CDKL4: variants seen among roughly 807,000 people sequenced by gnomAD.
CDKL4 encodes cyclin dependent kinase like 4.
Under a neutral mutation model 42.0 loss-of-function variants are expected in CDKL4, and 44 were observed. The ratio of observed to expected loss-of-function variants is 1.05; its 90% CI spans 0.82 to 1.35. The LOEUF (loss-of-function observed/expected upper bound fraction) is 1.35. Ranked by LOEUF, CDKL4 falls within the 40% of genes most tolerant of loss-of-function variation. The pLI is 0.00. For missense variants in CDKL4, 393 were observed against 369.9 expected (o/e 1.06, Z -0.51); for synonymous variants, 120 against 121.6 (o/e 0.99, Z 0.09).
the CDKL4 span, among the ~76,000 whole-genome samples, chr2:39,169,005 T>C: frequency 2.0e-5 from 3 of 152,152 alleles, no homozygotes; most frequent in Non-Finnish European, 4.4e-5. Context: ...TCCGCCTGCC[T>C]TGCCCTCCCA....
At chr2:39,168,059 A>C in the CDKL4 span, among the ~76,000 whole-genome samples, 1 of 152,312 alleles carries the variant, frequency 6.6e-6, no homozygotes, top group South Asian at 2.1e-4. Flanking sequence ...AAAATATTTA[A>C]TCTCATATGT....
Position 39,179,338 on chromosome 2 carries a change from T to C in CDKL4, c.793-17A>G, listed in dbSNP as rs1675308597. On this transcript the variant is annotated splice_polypyrimidine_tract_variant and intron_variant, in intron 8 of 9. Coordinates refer to ENST00000451199, the Ensembl canonical transcript of CDKL4. ...CAGACACCCCTTTGGAGGAAGAGAATAGCAAAGAAGATGTTAAGGGAGGGG... is the reference window on the plus strand; with the variant it reads ...CAGACACCCCTTTGGAGGAAGAGAACAGCAAAGAAGATGTTAAGGGAGGGG... 1 of 1,571,506 alleles carries C rather than the reference T, an allele frequency of 6.4e-7. No homozygotes were observed. Among genetic ancestry groups the C allele is most frequent in the Non-Finnish European group, 8.6e-7 (1 of 1,164,590 alleles).
chr2:39,208,173 TG>T (rs890844892), intron 4 of CDKL4, among the ~76,000 whole-genome samples: 14 of 151,784 alleles, frequency 9.2e-5, no homozygotes, highest in Non-Finnish European at 1.6e-4. Context: ...AAACAGGGCA[TG>T]GGGGGAAGAA....
At chr2:39,172,260 C>G (rs1675021890), downstream of CDKL4, among the ~76,000 whole-genome samples, 1 of 150,028 alleles carries the variant, frequency 6.7e-6, no homozygotes, top group Non-Finnish European at 1.5e-5. Flanking sequence ...TGCAGTGAGC[C>G]AAGATTGCGC....
intron 8 of CDKL4, 38 bp from the exon 9 acceptor site, chr2:39,179,359 A>G (rs745760478): frequency 6.6e-7 from 1 of 1,510,188 alleles, no homozygotes; most frequent in South Asian, 1.3e-5. Context: ...ATGTTAAGGG[A>G]GGGGCTCATT....
intron 5 of CDKL4, among the ~76,000 whole-genome samples, chr2:39,194,103 A>T (rs1324037752): frequency 6.6e-6 from 1 of 152,188 alleles, no homozygotes; most frequent in African/African-American, 2.4e-5. Context: ...TGCGTTCTCA[A>T]GAATTTGTTC....
At chr2:39,184,675 AT>A in intron 7 of CDKL4, 28 bp from the exon 8 acceptor site, 2 of 1,502,110 alleles carry the variant, frequency 1.3e-6, no homozygotes, top group Non-Finnish European at 1.8e-6. Context: ...AACATTCAAT[AT>A]TACATAAGAA....
intron 3 of CDKL4, among the ~76,000 whole-genome samples, chr2:39,219,431 A>ATTT (rs1297554530): frequency 6.7e-6 from 1 of 149,306 alleles, no homozygotes; most frequent in African/African-American, 2.5e-5. Flanking sequence ...TTATTTATTT[A>ATTT]TTTTTTTGAG....
chr2:39,228,764 C>A (rs1002458430), intron 2 of CDKL4, among the ~76,000 whole-genome samples: 1 of 152,224 alleles, frequency 6.6e-6, no homozygotes, highest in African/African-American at 2.4e-5. Context: ...AGCATCTCTA[C>A]GGTCGCTTAT....
intron 4 of CDKL4, among the ~76,000 whole-genome samples, chr2:39,207,347 C>T (rs983408181): frequency 2.1e-4 from 32 of 151,856 alleles, no homozygotes; most frequent in Admixed American, 7.9e-4. Context: ...ATGGCACCAC[C>T]GCACTCTAGC....
upstream of CDKL4, among the ~76,000 whole-genome samples, chr2:39,246,086 C>T (rs1038448070): frequency 1.3e-5 from 2 of 152,200 alleles, no homozygotes; most frequent in Non-Finnish European, 2.9e-5. Flanking sequence ...TACTTTGTTT[C>T]AGCATTAGCA....
At chr2:39,239,306 T>C (rs1266923767) in intron 1 of CDKL4, among the ~76,000 whole-genome samples, 3 of 151,634 alleles carry the variant, frequency 2.0e-5, no homozygotes, top group Admixed American at 2.0e-4. Flanking sequence ...TGCAGATTTC[T>C]TAGATATGAC....
At chr2:39,178,777 G>C in intron 9 of CDKL4, 1 of 1,585,866 alleles carries the variant, frequency 6.3e-7, no homozygotes, top group Non-Finnish European at 8.6e-7. Flanking sequence ...TGAAAAGATG[G>C]AAGAGTCAAG....
chr2:39,175,314 G>C (rs1033195928), downstream of CDKL4, among the ~76,000 whole-genome samples: 1 of 152,188 alleles, frequency 6.6e-6, no homozygotes, highest in African/African-American at 2.4e-5. Flanking sequence ...TCAATTATCC[G>C]AGGGCGTTAC....
At chr2:39,174,399 C>A (rs1430979160), downstream of CDKL4, among the ~76,000 whole-genome samples, 16 of 143,676 alleles carry the variant, frequency 1.1e-4, no homozygotes, top group African/African-American at 1.3e-4. Context: ...GACCCTGTCT[C>A]AAAAAAAAAA....
intron 4 of CDKL4, among the ~76,000 whole-genome samples, chr2:39,208,245 CTGCAATGCCTCT>C (rs1677333070): frequency 6.6e-6 from 1 of 152,174 alleles, no homozygotes; most frequent in Non-Finnish European, 1.5e-5. Flanking sequence ...TGCAAACTCT[CTGCAATGCCTCT>C]TGCAATCAGC....
At chr2:39,210,161 T>C (rs1019958981) in intron 4 of CDKL4, among the ~76,000 whole-genome samples, 4 of 152,126 alleles carry the variant, frequency 2.6e-5, no homozygotes, top group Non-Finnish European at 1.5e-5. Flanking sequence ...CGGCTAATTT[T>C]TGTATTTTTA....
intron 1 of CDKL4, among the ~76,000 whole-genome samples, chr2:39,238,727 C>T (rs1358471123): frequency 6.6e-6 from 1 of 151,186 alleles, no homozygotes; most frequent in Admixed American, 6.6e-5. Flanking sequence ...TATTTATGGT[C>T]AATTGACTTT....
chr2:39,188,737 T>C lies in CDKL4; in HGVS notation c.653-1028A>G, dbSNP rs148014974. On this transcript the variant is annotated intron_variant, in intron 6 of 9. Transcript: ENST00000451199. Reference sequence around the variant, plus strand: ...CAGGGTCTCTCTCTGTTGCCAAAACTGGAGTGCAGTGGCATGATCATGGCT... The same window carrying C: ...CAGGGTCTCTCTCTGTTGCCAAAACCGGAGTGCAGTGGCATGATCATGGCT... Among the ~76,000 whole-genome samples, 18 of 152,224 alleles carry C rather than the reference T, an allele frequency of 1.2e-4. No individual in the cohort carries two copies. In the East Asian group the frequency reaches 2.3e-3, roughly 20 times the overall value.
Sources: allele counts gnomAD v4.1 joint callset (sites outside exome capture counted in the v4.1 genomes callset), GRCh38; gene constraint gnomAD v4.1.1; transcripts MANE v1.5; gene names NCBI Gene and HGNC (gene_info 2026-07-23, HGNC 2026-07-21).